The following BCAS3 variants were observed in gnomAD, a reference collection of about 807,000 sequenced individuals.
BCAS3 encodes BCAS4/BCAS3 fusion.
In BCAS3, 53 loss-of-function variants were observed where a neutral mutation model predicts 116.1. That is an observed-to-expected ratio of 0.46 (90% CI 0.37 to 0.57). The LOEUF is 0.57. Among genes scored for constraint, BCAS3 ranks in the 20% least tolerant of loss-of-function variants. The probability of loss-of-function intolerance (pLI) is 0.00; values close to 1 mark genes in which losing one functional copy is unlikely to be tolerated. For synonymous variants in BCAS3, 391 were observed against 408.2 expected, an observed-to-expected ratio of 0.96 and a Z score of 0.51; for missense variants, 917 against 1,165.4, an observed-to-expected ratio of 0.79 and a Z score of 3.10.
At chr17:61,119,710 G>A (rs1419458430) in intron 22 of BCAS3, among the ~76,000 whole-genome samples, 1 of 151,894 alleles carries the variant, frequency 6.6e-6, no homozygotes, top group African/African-American at 2.4e-5. Flanking sequence ...AAGAAGAGCT[G>A]TAACTACAAA....
At chr17:61,038,672 T>G (rs867500862) in intron 18 of BCAS3, among the ~76,000 whole-genome samples, 2 of 141,630 alleles carry the variant, frequency 1.4e-5, no homozygotes. Context: ...GTTTTTGTTT[T>G]TTTTTTTTTT....
chr17:61,259,386 C>G lies in BCAS3; in HGVS notation c.2426-108941C>G, dbSNP rs1338187057. Among the ~76,000 whole-genome samples the G allele has an allele frequency of 1.3e-5, 2 of 152,062 alleles. No individual in the cohort carries two copies. Among genetic ancestry groups the G allele is most frequent in the African/African-American group, 2.4e-5 (1 of 41,400 alleles). ...TTCCAGTATGGTTTGTGCTTTTGTT[C>G]CTTCTTGGAGTCCAGCTCTGACTTT... On this transcript the variant is annotated intron_variant, in intron 22 of 23. Transcript: ENST00000407086. This position sits in a 1 kb window ranked among gnomAD's most constrained non-coding sequence, Gnocchi z 4.7.
chr17:61,373,009 G>T (rs1333129590), intron 23 of BCAS3, among the ~76,000 whole-genome samples: 2 of 151,724 alleles, frequency 1.3e-5, no homozygotes, highest in African/African-American at 4.8e-5. Flanking sequence ...GCTGCACCTT[G>T]TCTTTCTTTT....
In BCAS3 at chr17:61,028,688, A is replaced by G. The variant is rs1385678928; in HGVS notation, c.1638-5978A>G. ...AAGCAAAAGCACTTGTCAACCAGAA[A>G]TGATTTGAGGTTGAAACAAGATTAA... On this transcript the variant is annotated intron_variant, in intron 16 of 23. Transcript: ENST00000407086. The surrounding 1 kb of genome is among the most constrained non-coding windows in gnomAD (Gnocchi z 4.3). Among the ~76,000 whole-genome samples the G allele has an allele frequency of 2.0e-5, 3 of 151,930 alleles. No homozygotes were observed. In the East Asian group the frequency reaches 5.8e-4, roughly 29 times the overall value.
chr17:61,090,667 CT>C (rs536128687), intron 22 of BCAS3, among the ~76,000 whole-genome samples: 1 of 151,636 alleles, frequency 6.6e-6, no homozygotes, highest in East Asian at 1.9e-4. Flanking sequence ...TTCTTTCTTT[CT>C]TTTTTTTGAG....
intron 10 of BCAS3, among the ~76,000 whole-genome samples, chr17:60,892,738 T>C (rs988217079): frequency 3.3e-5 from 5 of 151,712 alleles, no homozygotes; most frequent in African/African-American, 4.8e-5. Context: ...CTGGCCAACA[T>C]AGTGAAACCC....
At chr17:61,371,200 C>T (rs1413286775) in intron 23 of BCAS3, among the ~76,000 whole-genome samples, 4 of 152,220 alleles carry the variant, frequency 2.6e-5, no homozygotes, top group Non-Finnish European at 4.4e-5. Context: ...TTCTATAGCA[C>T]GCCTCACTGT....
chr17:61,270,214 G>C (rs2050128956), intron 22 of BCAS3, among the ~76,000 whole-genome samples: 2 of 148,006 alleles, frequency 1.4e-5, no homozygotes, highest in Non-Finnish European at 3.0e-5. Flanking sequence ...CTGCCTCCCA[G>C]GTTCAAGCGA....
intron 7 of BCAS3, among the ~76,000 whole-genome samples, chr17:60,817,039 C>T (rs943798584): frequency 1.3e-5 from 2 of 152,148 alleles, no homozygotes; most frequent in Non-Finnish European, 2.9e-5. Flanking sequence ...GCATAATTAG[C>T]TCTCACCAAA....
intron 15 of BCAS3, among the ~76,000 whole-genome samples, chr17:61,005,897 C>T (rs895451043): frequency 6.6e-6 from 1 of 151,612 alleles, no homozygotes; most frequent in Non-Finnish European, 1.5e-5. Context: ...GCTGCACCCA[C>T]TAACTTGTCA....
Position 60,961,995 on chromosome 17 carries a change from T to C in BCAS3, c.1221+14643T>C, listed in dbSNP as rs987032370. Among the ~76,000 whole-genome samples the C allele has an allele frequency of 1.3e-5, 2 of 152,202 alleles. No homozygotes were observed. Among genetic ancestry groups the C allele is most frequent in the Non-Finnish European group, 2.9e-5 (2 of 68,038 alleles). ...ACATAATGGCCTCCAGTTTCAGCTA[T>C]GTTGCTGCAAATGACAGGATTTCAT... On this transcript the variant is annotated intron_variant, in intron 14 of 23. Transcript: ENST00000407086. The surrounding 1 kb of genome is among the most constrained non-coding windows in gnomAD (Gnocchi z 4.8).
chr17:61,018,458 C>A (rs1437232963), intron 16 of BCAS3, among the ~76,000 whole-genome samples: 9 of 151,798 alleles, frequency 5.9e-5, no homozygotes, highest in Non-Finnish European at 1.2e-4. Flanking sequence ...TGTGCCACCA[C>A]ACCCAGCTAA....
At position 61,215,838 on chromosome 17, in the gene BCAS3, T is replaced by C. The variant is rs2081751095; in HGVS notation, c.2425+131274T>C. Among the ~76,000 whole-genome samples, 1 of 152,188 alleles carries C rather than the reference T, an allele frequency of 6.6e-6. No individual in the cohort carries two copies. Among genetic ancestry groups the C allele is most frequent in the Non-Finnish European group, 1.5e-5 (1 of 68,030 alleles). On this transcript the variant is annotated intron_variant, in intron 22 of 23. Coordinates refer to ENST00000407086, the MANE Select transcript of BCAS3 (RefSeq NM_017679.5). This position sits in a 1 kb window ranked among gnomAD's most constrained non-coding sequence, Gnocchi z 4.8. ...AAAAATTCCAGTTGAAGTTGGAGCT[T>C]AGGCATCAGTATTTTTCAGACTCCC...
chr17:61,087,352 A>T lies in BCAS3; in HGVS notation c.2425+2788A>T. On this transcript the variant is annotated intron_variant, in intron 22 of 23. Transcript: ENST00000407086. The surrounding 1 kb of genome is among the most constrained non-coding windows in gnomAD (Gnocchi z 4.6). Reference sequence around the variant, plus strand: ...ATTCCTATGGCACATGTTACACCTAACCCTCTATTTTAGTGACAGCTCTTG... The same window carrying T: ...ATTCCTATGGCACATGTTACACCTATCCCTCTATTTTAGTGACAGCTCTTG... 1 of 348,776 alleles carries T rather than the reference A, an allele frequency of 2.9e-6. No homozygotes were observed. The highest frequency in any genetic ancestry group is 1.1e-4 in the South Asian group (1 of 8,742). 21.6% of individuals were successfully genotyped at this position (348,776 alleles called of 1,614,324 possible).
At chr17:60,744,494 A>G (rs2041868042) in intron 5 of BCAS3, among the ~76,000 whole-genome samples, 1 of 152,160 alleles carries the variant, frequency 6.6e-6, no homozygotes, top group Non-Finnish European at 1.5e-5. Flanking sequence ...TATAAACCTT[A>G]ACTCTGTTTC....
chr17:60,821,545 T>A (rs1318028129), intron 7 of BCAS3, among the ~76,000 whole-genome samples: 1 of 152,216 alleles, frequency 6.6e-6, no homozygotes, highest in African/African-American at 2.4e-5. Flanking sequence ...AGATAACCAA[T>A]GTTCTACTTT....
chr17:60,804,407 G>A (rs940214366), intron 6 of BCAS3, among the ~76,000 whole-genome samples: 1 of 151,954 alleles, frequency 6.6e-6, no homozygotes, highest in African/African-American at 2.4e-5. Context: ...TTTGAACCTT[G>A]GAGACAGAGG....
At chr17:61,018,002 A>G (rs1463431102) in intron 16 of BCAS3, among the ~76,000 whole-genome samples, 1 of 152,198 alleles carries the variant, frequency 6.6e-6, no homozygotes, top group Non-Finnish European at 1.5e-5. Flanking sequence ...ATTTATTAAT[A>G]AGGGAACTGT....
chr17:60,833,659 A>G (rs1285424366), intron 7 of BCAS3, among the ~76,000 whole-genome samples: 2 of 152,202 alleles, frequency 1.3e-5, no homozygotes, highest in East Asian at 3.8e-4. Flanking sequence ...TATGTTACAA[A>G]CAATTTATTT....
Sources: allele counts gnomAD v4.1 joint callset (sites outside exome capture counted in the v4.1 genomes callset), GRCh38; gene constraint gnomAD v4.1.1; non-coding constraint Gnocchi (gnomAD v3.1); transcripts MANE v1.5; gene names NCBI Gene and HGNC (gene_info 2026-07-23, HGNC 2026-07-21).